Variants in BTD observed in about 807,000 individuals in gnomAD.
BTD encodes biocytinase.
Under a neutral mutation model 17.7 loss-of-function variants are expected in BTD, and 13 were observed. The observed-to-expected ratio is 0.74, with a 90% CI of 0.48 to 1.17. The LOEUF is 1.17. Among genes scored for constraint, BTD ranks in the 50% most tolerant of loss-of-function variants. The pLI is 0.00. For missense variants in BTD, 674 were observed against 650.4 expected (o/e 1.04, Z -0.39); for synonymous variants, 240 against 245.2 (o/e 0.98, Z 0.20).
intron 3 of BTD, chr3:15,678,216 ATTTG>A: frequency 6.2e-7 from 1 of 1,609,730 alleles, no homozygotes; most frequent in Non-Finnish European, 8.5e-7. Context: ...TACCAACTGT[ATTTG>A]TTTGTCCATT....
rs11916854 is a variant in BTD, at chr3:15,644,045, G to C, written c.400-271G>C. 0.036 allele frequency among the ~76,000 whole-genome samples: 5,491 copies of C among 151,240 alleles called. 320 individuals are homozygous for C. The highest frequency in any genetic ancestry group is 0.13 in the African/African-American group (5,158 of 41,128). On this transcript the variant is annotated intron_variant, in intron 3 of 3. Coordinates refer to ENST00000643237, the MANE Select transcript of BTD (RefSeq NM_001370658.1). ...AGACGGAGTCTTGCTCTGTCGCCCAGGCTGGAGTGCAGTGGCGCGATCTCG... is the reference window on the plus strand; with the variant it reads ...AGACGGAGTCTTGCTCTGTCGCCCACGCTGGAGTGCAGTGGCGCGATCTCG...
chr3:15,703,412 G>C (rs1259500154), intron 3 of BTD, among the ~76,000 whole-genome samples: 1 of 152,156 alleles, frequency 6.6e-6, no homozygotes, highest in Non-Finnish European at 1.5e-5. Flanking sequence ...TAGGAGGTGG[G>C]GCCTTTAGGA....
chr3:15,711,109 A>G, exon 4 of BTD: 1 of 1,019,536 alleles, frequency 9.8e-7, no homozygotes, highest in Non-Finnish European at 1.4e-6. Context: ...TTTGTTTTCT[A>G]TTTTCTGGCA....
rs2065809064 is a variant in BTD at position 15,651,789 on chromosome 3, C to A, written c.*6301C>A. ...GCAGGGAAGATAAATGCAGCCCTGG[C>A]ATGGTTCTTCCAGAACATTCTGCAA... On this transcript the variant is annotated 3_prime_UTR_variant, in exon 4 of 4. Transcript: ENST00000643237. Among the ~76,000 whole-genome samples, 1 of 152,164 alleles carries A rather than the reference C, an allele frequency of 6.6e-6. No homozygotes were observed. The highest frequency in any genetic ancestry group is 6.5e-5 in the Admixed American group (1 of 15,290).
chr3:15,653,812 T>A (rs1329849242), downstream of BTD, among the ~76,000 whole-genome samples: 8 of 152,228 alleles, frequency 5.3e-5, no homozygotes, highest in Admixed American at 5.2e-4. Flanking sequence ...AAAAATCACG[T>A]GTGAAAGTTA....
At chr3:15,694,897 T>C in intron 3 of BTD, 1 of 1,301,600 alleles carries the variant, frequency 7.7e-7, no homozygotes, top group Non-Finnish European at 1.1e-6. Context: ...AAATCCACCT[T>C]AGAGTATTAT....
intron 3 of BTD, chr3:15,696,182 G>A (rs2470548): frequency 0.58 from 914,838 of 1,581,134 alleles, 269,931 homozygotes; most frequent in Admixed American, 0.63. Context: ...AATGAACTGC[G>A]TTGTATCCTT....
chr3:15,675,821 C>G (rs2066876812), intron 3 of BTD: 1 of 1,238,062 alleles, frequency 8.1e-7, no homozygotes, highest in Non-Finnish European at 1.1e-6. Flanking sequence ...AAAAAATATC[C>G]AAGTTTATTT....
At chr3:15,695,507 C>A (rs1255936787) in intron 3 of BTD, among the ~76,000 whole-genome samples, 1 of 152,068 alleles carries the variant, frequency 6.6e-6, no homozygotes, top group Admixed American at 6.6e-5. Context: ...TATATCTACG[C>A]TCGTTGAATT....
intron 3 of BTD, among the ~76,000 whole-genome samples, chr3:15,671,589 G>GT (rs1266007505): frequency 0.023 from 3,090 of 133,824 alleles, 36 homozygotes; most frequent in Non-Finnish European, 0.032. Flanking sequence ...TTTTTTTTTT[G>GT]TTTTTTTTTT....
At chr3:15,601,976 C>G (rs904382522) in intron 1 of BTD, 82 bp downstream of exon 1, 3 of 1,583,542 alleles carry the variant, frequency 1.9e-6, no homozygotes, top group South Asian at 2.2e-5. Context: ...CCCAGTTGGA[C>G]TTGGGGAGGG....
rs1042503366 is a variant in BTD at position 15,648,401 on chromosome 3, C to A, written c.*2913C>A. Among the ~76,000 whole-genome samples, 1 of 152,228 alleles carries A rather than the reference C, an allele frequency of 6.6e-6. No homozygotes were observed. The highest frequency in any genetic ancestry group is 2.4e-5 in the African/African-American group (1 of 41,456). On this transcript the variant is annotated 3_prime_UTR_variant, in exon 4 of 4. Coordinates refer to ENST00000643237, the MANE Select transcript of BTD (RefSeq NM_001370658.1). The stretch of plus-strand genomic sequence containing the variant: ...TTCCTTCTCAGGCCAGAGAAAGGTC[C>A]TGGTCTCCTGGCTTCAGTCTTTCAT...
rs1036868735 is a variant in BTD at position 15,652,038 on chromosome 3, G to T, written c.*6550G>T. On this transcript the variant is annotated 3_prime_UTR_variant, in exon 4 of 4. Transcript: ENST00000643237. Reference sequence around the variant, plus strand: ...TTACTTCTGAAATTGGGTTATAAAAGGTACTGCAGACCGGGCACGGTGGCT... The same window carrying T: ...TTACTTCTGAAATTGGGTTATAAAATGTACTGCAGACCGGGCACGGTGGCT... 6.6e-6 allele frequency among the ~76,000 whole-genome samples: 1 copy of T among 152,098 alleles called. No individual in the cohort carries two copies. The highest frequency in any genetic ancestry group is 1.5e-5 in the Non-Finnish European group (1 of 67,978).
chr3:15,659,638 C>A (rs1051332464), intron 3 of BTD, among the ~76,000 whole-genome samples: 15 of 152,182 alleles, frequency 9.9e-5, no homozygotes, highest in African/African-American at 3.6e-4. Flanking sequence ...ATTTTTTATT[C>A]GTTTCCTTAT....
chr3:15,607,770 A>T (rs73030393), intron 1 of BTD, among the ~76,000 whole-genome samples: 14,825 of 152,296 alleles, frequency 0.097, 925 homozygotes, highest in East Asian at 0.34. Context: ...TATCTTAAAA[A>T]TAAAAAGGCG....
chr3:15,608,125 G>C (rs1054775914), intron 1 of BTD, among the ~76,000 whole-genome samples: 4 of 152,194 alleles, frequency 2.6e-5, no homozygotes, highest in African/African-American at 7.2e-5. Flanking sequence ...AGTTTTCCCA[G>C]GTACCCTGTG....
At chr3:15,601,633 C>T (rs755865121), upstream of BTD, 6 of 1,555,206 alleles carry the variant, frequency 3.9e-6, no homozygotes, top group East Asian at 1.2e-4. Context: ...TAAATTCGTC[C>T]ACTTCCCGGG....
intron 3 of BTD, among the ~76,000 whole-genome samples, chr3:15,672,083 C>G (rs1012842748): frequency 1.1e-4 from 17 of 151,540 alleles, no homozygotes; most frequent in African/African-American, 4.1e-4. Flanking sequence ...TACTGGGCAT[C>G]TGGTTGCTTC....
exon 4 of BTD, among the ~76,000 whole-genome samples, chr3:15,711,634 G>A (rs2126065294): frequency 6.6e-6 from 1 of 152,170 alleles, no homozygotes; most frequent in Non-Finnish European, 1.5e-5. Flanking sequence ...AGGGAAGAAA[G>A]AAATGGAGAT....
Sources: allele counts gnomAD v4.1 joint callset (sites outside exome capture counted in the v4.1 genomes callset), GRCh38; gene constraint gnomAD v4.1.1; transcripts MANE v1.5; gene names NCBI Gene and HGNC (gene_info 2026-07-23, HGNC 2026-07-21).